The following CPAMD8 variants were observed in gnomAD, a reference collection of about 807,000 sequenced individuals.
The protein encoded by CPAMD8 is C3 and PZP-like alpha-2-macroglobulin domain-containing protein 8.
CPAMD8 carries 146 observed loss-of-function variants against 224.7 expected under a neutral mutation model. That is an observed-to-expected ratio of 0.65 (90% CI 0.57 to 0.75). CPAMD8 has a LOEUF of 0.75. Among genes scored for constraint, CPAMD8 ranks in the 30% least tolerant of loss-of-function variants. The pLI is 0.00. For synonymous variants in CPAMD8, 966 were observed against 1,044.6 expected (o/e 0.92, Z 1.45); for missense variants, 2,301 against 2,537.5 (o/e 0.91, Z 2.00).
chr19:17,012,175 T>A (rs1043924910), intron 3 of CPAMD8, among the ~76,000 whole-genome samples: 1 of 151,888 alleles, frequency 6.6e-6, no homozygotes, highest in Non-Finnish European at 1.5e-5. Flanking sequence ...TGTGTCACCA[T>A]GCCTGGCTAA....
chr19:16,991,108 A>G (rs79777783), intron 12 of CPAMD8, among the ~76,000 whole-genome samples: 1 of 60,024 alleles, frequency 1.7e-5, no homozygotes, highest in South Asian at 4.3e-4. Context: ...GGCCCCCACA[A>G]AAAACTTTGG....
rs2055867753 is a variant in CPAMD8, at chr19:16,989,640, T to TA, written c.1395+2dup. The TA allele has an allele frequency of 1.2e-6, 2 of 1,613,158 alleles. No homozygotes were observed. Among genetic ancestry groups the TA allele is most frequent in the Non-Finnish European group, 1.7e-6 (2 of 1,179,506 alleles). On this transcript the variant is annotated splice_region_variant and intron_variant, in intron 13 of 41. Transcript: ENST00000443236. ...CAGGAAGGGTAGCTCCTGAAAATCT[T>TA]ACCTGCAGTGGGTGGGAGGGTGGCT...
chr19:16,968,098 G>C (rs1371874206), intron 18 of CPAMD8, among the ~76,000 whole-genome samples: 3 of 151,966 alleles, frequency 2.0e-5, no homozygotes, highest in African/African-American at 7.2e-5. Context: ...CCAGCCCCAG[G>C]ACAAGCTCTC....
intron 10 of CPAMD8, 150 bp downstream of exon 10, chr19:17,000,264 G>A (rs2056267334): frequency 1.8e-6 from 1 of 554,030 alleles, no homozygotes; most frequent in Non-Finnish European, 3.2e-6. Context: ...GACAAGCCTG[G>A]GCAACATAGT....
At chr19:17,013,695 G>A (rs1001672126) in intron 3 of CPAMD8, among the ~76,000 whole-genome samples, 5 of 151,550 alleles carry the variant, frequency 3.3e-5, no homozygotes, top group African/African-American at 7.3e-5. Context: ...CTTCTTTTGC[G>A]GGGATAAAAA....
At chr19:17,010,677 A>T (rs1319047142) in intron 5 of CPAMD8, among the ~76,000 whole-genome samples, 2 of 152,168 alleles carry the variant, frequency 1.3e-5, no homozygotes, top group Non-Finnish European at 2.9e-5. Context: ...CATTAAAATA[A>T]TTTTGTAAGT....
intron 5 of CPAMD8, among the ~76,000 whole-genome samples, chr19:17,010,223 C>CT (rs367850489): frequency 0.03 from 4,478 of 147,240 alleles, 200 homozygotes; most frequent in African/African-American, 0.1. Context: ...TTTTCCTCCT[C>CT]TTTTTTTTTT....
intron 6 of CPAMD8, among the ~76,000 whole-genome samples, chr19:17,008,879 G>A (rs776290933): frequency 2.0e-4 from 30 of 152,022 alleles, no homozygotes; most frequent in Non-Finnish European, 4.1e-4. Flanking sequence ...CCTGAGGTCA[G>A]GAGTTTGAGA....
At chr19:17,004,449 G>A (rs1338156168) in intron 7 of CPAMD8, 63 bp from the exon 8 acceptor site, 1 of 1,075,898 alleles carries the variant, frequency 9.3e-7, no homozygotes, top group Admixed American at 1.8e-5. Flanking sequence ...GGTACGGGAA[G>A]AGGGAGCCAG....
rs1599719056 is a variant in CPAMD8, at chr19:16,928,186, T to G, written c.3193A>C (p.Thr1065Pro). 6.2e-7 allele frequency: 1 copy of G among 1,610,918 alleles called. No individual in the cohort carries two copies. Among genetic ancestry groups the G allele is most frequent in the Non-Finnish European group, 8.5e-7 (1 of 1,179,262 alleles). ...PSNESVIVAW[T>P]LPRPPEVQFI... ...TGGACCTCTGGTGGCCTCGGGAGGGTCCAGGCCACAATGACAGACTCATTG... is the reference window on the plus strand; with the variant it reads ...TGGACCTCTGGTGGCCTCGGGAGGGGCCAGGCCACAATGACAGACTCATTG... Residue 1065 changes from threonine (T) to proline (P), a missense_variant, in exon 25 of 42, where the codon ACC (threonine) becomes CCC (proline). Transcript: ENST00000443236.
Position 16,935,346 on chromosome 19 carries a change from G to T in CPAMD8, c.2845+3049C>A, listed in dbSNP as rs545059360. 1.3e-5 allele frequency among the ~76,000 whole-genome samples: 2 copies of T among 152,066 alleles called. 1 individual carries two copies. Among genetic ancestry groups the T allele is most frequent in the South Asian group, 4.2e-4 (2 of 4,810 alleles). ...ACACGAATCCACTACCACAGTCAAGGTACTAAACATTCCCAACACCACAGA... is the reference window on the plus strand; with the variant it reads ...ACACGAATCCACTACCACAGTCAAGTTACTAAACATTCCCAACACCACAGA... On this transcript the variant is annotated intron_variant, in intron 23 of 41. Transcript: ENST00000443236.
intron 41 of CPAMD8, chr19:16,895,846 T>TCC (rs201966403): frequency 4.0e-5 from 20 of 503,456 alleles, no homozygotes; most frequent in African/African-American, 3.5e-4. Context: ...ACACTGCTGG[T>TCC]CCCCCCAGCA....
chr19:17,009,236 CAG>C (rs2056581558), intron 6 of CPAMD8, 65 bp downstream of exon 6: 2 of 1,613,466 alleles, frequency 1.2e-6, no homozygotes, highest in East Asian at 4.5e-5. Flanking sequence ...GAAGACAGAC[CAG>C]ATCTTGCAGA....
rs200862393 is a variant in CPAMD8, at chr19:16,902,771, C to G, written c.4563G>C (p.Pro1521=). The change falls in exon 35 of 42, where the codon CCG becomes CCC. Residue 1521 remains proline, a synonymous_variant. Coordinates refer to ENST00000443236, the MANE Select transcript of CPAMD8 (RefSeq NM_015692.5). ...SLQEPEAQGR[P]PPMPASAAEG... is the part of the protein sequence containing the mutation. ...CAGCTGCGGAGGCAGGCATGGGGGGCGGGCGTCCCTGGGCCTCAGGCTCCT... is the reference window on the plus strand; with the variant it reads ...CAGCTGCGGAGGCAGGCATGGGGGGGGGGCGTCCCTGGGCCTCAGGCTCCT... 29 of 1,591,028 alleles carry G rather than the reference C, an allele frequency of 1.8e-5. No homozygotes were observed. The highest frequency in any genetic ancestry group is 1.7e-4 in the Admixed American group (10 of 58,138).
At position 16,989,765 on chromosome 19, in the gene CPAMD8, C is replaced by G; in HGVS notation, c.1273G>C (p.Val425Leu). ...ACAGGCTTCCCGTTCAGTGCCATCACCTTGGTCTGAGAAGAGAAGATGCTT... is the reference window on the plus strand; with the variant it reads ...ACAGGCTTCCCGTTCAGTGCCATCAGCTTGGTCTGAGAAGAGAAGATGCTT... ...SAQHVWLETK[V>L]MALNGKPVGA... Residue 425 changes from valine to leucine, a missense_variant, in exon 13 of 42, where the codon GTG (valine) becomes CTG (leucine). Physicochemically the swap from Val to Leu is conservative, Grantham distance 32 (BLOSUM62 1). Around this residue, in one of 4 missense-constraint regions of CPAMD8, gnomAD observed 301 missense variants for 406.6 expected, o/e 0.74. Transcript: ENST00000443236. 1 of 1,613,970 alleles carries G rather than the reference C, an allele frequency of 6.2e-7. No homozygotes were observed. The highest frequency in any genetic ancestry group is 8.5e-7 in the Non-Finnish European group (1 of 1,179,922).
rs575250986 is a variant in CPAMD8 at position 16,967,818 on chromosome 19, T to A, written c.2213+3073A>T. 7.2e-3 allele frequency among the ~76,000 whole-genome samples: 1,062 copies of A among 148,384 alleles called. 31 individuals carry two copies. Among genetic ancestry groups the A allele is most frequent in the African/African-American group, 0.024 (986 of 40,282 alleles). ...AGTGAGACTCTGTCTCACCAAAATA[T>A]ATATATATATGTATATATATACACA... On this transcript the variant is annotated intron_variant, in intron 18 of 41. Transcript: ENST00000443236.
chr19:16,968,049 C>T (rs1294519405), intron 18 of CPAMD8, among the ~76,000 whole-genome samples: 3 of 151,408 alleles, frequency 2.0e-5, no homozygotes, highest in African/African-American at 7.3e-5. Context: ...TTACAATTGC[C>T]TTCATGGTTT....
rs570854386 is a variant in CPAMD8 at position 16,899,517 on chromosome 19, C to T, written c.4806G>A (p.Arg1602=). ...LLLDKHMGMK[R]YEVAGRRVLF... Reference sequence around the variant, plus strand: ...GCACTCGGCGTCCAGCCACTTCATACCTCTTCATCCCCATGTGCTTGTCAA... The same window carrying T: ...GCACTCGGCGTCCAGCCACTTCATATCTCTTCATCCCCATGTGCTTGTCAA... The change falls in exon 37 of 42, where the codon AGG becomes AGA. Residue 1602 remains arginine, a synonymous_variant. Coordinates refer to ENST00000443236, the MANE Select transcript of CPAMD8 (RefSeq NM_015692.5). This position sits in a 1 kb window ranked among gnomAD's most constrained non-coding sequence, Gnocchi z 5.4. The T allele has an allele frequency of 1.2e-4, 187 of 1,575,856 alleles. 3 individuals carry two copies. The South Asian group carries it at 2.0e-3, about 17-fold the overall frequency.
intron 3 of CPAMD8, among the ~76,000 whole-genome samples, chr19:17,019,971 C>CTTTTTTTTTTTTTT (rs569150151): frequency 1.0e-5 from 1 of 97,890 alleles, no homozygotes; most frequent in Non-Finnish European, 2.1e-5. Context: ...TTTTTCTTTT[C>CTTTTTTTTTTTTTT]TTTTTTTTTT....
Sources: allele counts gnomAD v4.1 joint callset (sites outside exome capture counted in the v4.1 genomes callset), GRCh38; gene constraint gnomAD v4.1.1; regional missense constraint gnomAD v4.1.1; non-coding constraint Gnocchi (gnomAD v3.1); transcripts MANE v1.5; gene names NCBI Gene and HGNC (gene_info 2026-07-23, HGNC 2026-07-21).